MUC17: variants seen among roughly 807,000 people sequenced by gnomAD.
MUC17 encodes the protein mucin-17.
A neutral mutation model predicts 170.3 loss-of-function variants in MUC17; 190 were observed. The observed-to-expected ratio is 1.12, with a 90% CI of 0.99 to 1.26. The LOEUF (loss-of-function observed/expected upper bound fraction) is 1.26, where lower values mean the gene tolerates loss of function less well. MUC17 is among the 50% of genes most tolerant of loss of function. The probability of loss-of-function intolerance (pLI) is 0.00; values close to 1 mark genes in which losing one functional copy is unlikely to be tolerated. For synonymous variants in MUC17, 2,325 were observed against 2,002.5 expected (o/e 1.16, Z -4.30); for missense variants, 6,415 against 5,530.0 (o/e 1.16, Z -5.08).
At position 101,031,836 on chromosome 7, in the gene MUC17, A is replaced by G. The variant is rs1794286083; in HGVS notation, c.420A>G (p.Thr140=). The G allele has an allele frequency of 6.2e-7, 1 of 1,614,156 alleles. No individual in the cohort carries two copies. Among genetic ancestry groups the G allele is most frequent in the Non-Finnish European group, 8.5e-7 (1 of 1,179,984 alleles). Residue 140 remains threonine (T), a synonymous_variant, in exon 3 of 13, where the codon ACA becomes ACG. Coordinates refer to ENST00000306151, the MANE Select transcript of MUC17 (RefSeq NM_001040105.2). The part of the protein sequence containing the change: ...PSSTEDTSSP[T]TPEGTDVPMS... ...CTACTGAAGACACTTCATCTCCTAC[A>G]ACTCCTGAAGGCACCGACGTGCCCA...
At chr7:101,051,534 C>T (rs1056781403) in intron 7 of MUC17, 79 bp from the exon 8 acceptor site, 1 of 1,449,468 alleles carries the variant, frequency 6.9e-7, no homozygotes, top group Admixed American at 2.0e-5. Flanking sequence ...CCCCTTCTCA[C>T]ACACACACGT....
intron 3 of MUC17, among the ~76,000 whole-genome samples, chr7:101,044,135 C>T (rs1376122095): frequency 6.6e-6 from 1 of 152,144 alleles, no homozygotes; most frequent in Admixed American, 6.6e-5. Context: ...ATGATGGTTT[C>T]CAGCTTCATC....
rs1214325277 is a variant in MUC17, at chr7:101,033,356, G to A, written c.1940G>A (p.Ser647Asn). 6.2e-7 allele frequency: 1 copy of A among 1,613,834 alleles called. No homozygotes were observed. Among genetic ancestry groups the A allele is most frequent in the Non-Finnish European group, 8.5e-7 (1 of 1,179,828 alleles). Residue 647 changes from serine (S) to asparagine (N), a missense_variant, in exon 3 of 13, where the codon AGC becomes AAC. By Grantham distance (46) the Ser-to-Asn change is conservative. Coordinates refer to ENST00000306151, the MANE Select transcript of MUC17 (RefSeq NM_001040105.2). ...STTLVASSEA[S>N]TLSTTPVDSN... ...ACACTGGTGGCCAGTTCTGAGGCTA[G>A]CACCCTTTCAACAACTCCTGTTGAC... is the stretch of plus-strand genomic sequence containing the variant.
chr7:101,052,872 T>C (rs1010016438), intron 9 of MUC17, 114 bp from the exon 10 acceptor site: 1 of 1,291,764 alleles, frequency 7.7e-7, no homozygotes, highest in South Asian at 1.5e-5. Flanking sequence ...TTATGCCCCC[T>C]GGCAATCTCT....
At position 101,036,169 on chromosome 7, in the gene MUC17, G is replaced by T. The variant is rs577808535; in HGVS notation, c.4753G>T (p.Val1585Leu). The T allele has an allele frequency of 1.2e-6, 2 of 1,613,994 alleles. No individual in the cohort carries two copies. Among genetic ancestry groups the T allele is most frequent in the East Asian group, 2.2e-5 (1 of 44,868 alleles). Reference sequence around the variant, plus strand: ...AAGTTTGCCTGTCAGCACCATGCTGGTGGTCAGTTCTGAGGCTAACACCCT... The same window carrying T: ...AAGTTTGCCTGTCAGCACCATGCTGTTGGTCAGTTCTGAGGCTAACACCCT... ...LTSLPVSTML[V>L]VSSEANTLST... Residue 1585 changes from valine (V) to leucine (L), a missense_variant, in exon 3 of 13, where the codon GTG becomes TTG. Coordinates refer to ENST00000306151, the MANE Select transcript of MUC17 (RefSeq NM_001040105.2).
Position 101,042,529 on chromosome 7 carries a change from C to A in MUC17, c.11113C>A (p.Arg3705Ser). Residue 3705 changes from arginine (R) to serine (S), a missense_variant, in exon 3 of 13, where the codon CGT (arginine) becomes AGT (serine). Coordinates refer to ENST00000306151, the MANE Select transcript of MUC17 (RefSeq NM_001040105.2). ...AACAACTATGCCTGTCAGCACCACA[C>A]GTGTGACCAGCTCTGAGGGTAGCAC... ...PLTTMPVSTT[R>S]VTSSEGSTLS... is the part of the protein sequence containing the mutation. 6 of 1,613,766 alleles carry A rather than the reference C, an allele frequency of 3.7e-6. No individual in the cohort carries two copies. Among genetic ancestry groups the A allele is most frequent in the Non-Finnish European group, 5.1e-6 (6 of 1,179,934 alleles).
Position 101,038,805 on chromosome 7 carries a change from C to A in MUC17, c.7389C>A (p.Val2463=). The change falls in exon 3 of 13, where the codon GTC becomes GTA. Residue 2463 remains valine, a synonymous_variant. Coordinates refer to ENST00000306151, the MANE Select transcript of MUC17 (RefSeq NM_001040105.2). ...CCACTCCGTTAGCAAGTATGCCTGT[C>A]AGCACCACGCCGGTGGTCAGTTCTG... The part of the protein sequence containing the change: ...EGTTPLASMP[V]STTPVVSSEA... The A allele has an allele frequency of 6.2e-7, 1 of 1,612,828 alleles. No homozygotes were observed.
At chr7:101,027,990 C>T (rs1794210285) in intron 1 of MUC17, among the ~76,000 whole-genome samples, 1 of 151,836 alleles carries the variant, frequency 6.6e-6, no homozygotes, top group African/African-American at 2.4e-5. Flanking sequence ...CCAGGCTGGT[C>T]TCGAACTCCT....
At chr7:101,024,399 CAA>C (rs71126353) in intron 1 of MUC17, among the ~76,000 whole-genome samples, 9 of 138,498 alleles carry the variant, frequency 6.5e-5, no homozygotes, top group Non-Finnish European at 6.3e-5. Context: ...GACTCTATCT[CAA>C]AAAAAAAAAA....
intron 1 of MUC17, among the ~76,000 whole-genome samples, chr7:101,028,104 T>A (rs1313477254): frequency 6.7e-6 from 1 of 150,230 alleles, no homozygotes; most frequent in Non-Finnish European, 1.5e-5. Context: ...TTTTTTTTTT[T>A]TTTTTGAGAT....
rs1473924638 is a variant in MUC17 at position 101,035,713 on chromosome 7, G to T, written c.4297G>T (p.Ala1433Ser). ...TSTPGTTSAEATSSPTTAEGI... is the reference protein window; with the variant it reads ...TSTPGTTSAESTSSPTTAEGI... ...CACCCCTGGGACCACTTCTGCTGAAGCCACTTCATCTCCTACAACTGCTGA... is the reference window on the plus strand; with the variant it reads ...CACCCCTGGGACCACTTCTGCTGAATCCACTTCATCTCCTACAACTGCTGA... The change falls in exon 3 of 13, where the codon GCC (alanine) becomes TCC (serine). Residue 1433 changes from alanine to serine, a missense_variant. By Grantham distance (99) the Ala-to-Ser change is moderately conservative. Coordinates refer to ENST00000306151, the MANE Select transcript of MUC17 (RefSeq NM_001040105.2). The T allele has an allele frequency of 3.1e-6, 5 of 1,608,950 alleles. No individual in the cohort carries two copies. In the Admixed American group the frequency reaches 8.4e-5, roughly 27 times the overall value.
intron 9 of MUC17, among the ~76,000 whole-genome samples, 161 bp downstream of exon 9, chr7:101,052,123 G>A (rs1049820438): frequency 1.3e-5 from 2 of 152,194 alleles, no homozygotes; most frequent in African/African-American, 4.8e-5. Context: ...TTGGGGATAA[G>A]GGAAAAACAT....
Position 101,052,979 on chromosome 7 carries a change from A to G in MUC17, c.13104-7A>G. 6.2e-7 allele frequency: 1 copy of G among 1,610,680 alleles called. No individual in the cohort carries two copies. Among genetic ancestry groups the G allele is most frequent in the Non-Finnish European group, 8.5e-7 (1 of 1,178,102 alleles). On this transcript the variant is annotated splice_polypyrimidine_tract_variant and splice_region_variant and intron_variant, in intron 9 of 12. Coordinates refer to ENST00000306151, the MANE Select transcript of MUC17 (RefSeq NM_001040105.2). Reference sequence around the variant, plus strand: ...CTCCCCAACCTGCCGCTTCTCTCCCATCTCAGCTGCGTGACCACGGAAACT... The same window carrying G: ...CTCCCCAACCTGCCGCTTCTCTCCCGTCTCAGCTGCGTGACCACGGAAACT...
rs773051781 is a variant in MUC17 at position 101,040,353 on chromosome 7, C to T, written c.8937C>T (p.Ile2979=). 1 of 1,612,882 alleles carries T rather than the reference C, an allele frequency of 6.2e-7. No individual in the cohort carries two copies. Among genetic ancestry groups the T allele is most frequent in the Non-Finnish European group, 8.5e-7 (1 of 1,179,558 alleles). The change falls in exon 3 of 13, where the codon ATC becomes ATT. Residue 2979 remains isoleucine (I), a synonymous_variant. Coordinates refer to ENST00000306151, the MANE Select transcript of MUC17 (RefSeq NM_001040105.2). ...PTTAEGTSMP[I]STPGERRTPL... ...CTGCTGAAGGTACCAGCATGCCAAT[C>T]TCAACTCCTGGCGAAAGAAGAACTC...
chr7:101,021,536 C>G (rs1794081748), intron 1 of MUC17, among the ~76,000 whole-genome samples: 1 of 151,992 alleles, frequency 6.6e-6, no homozygotes, highest in Non-Finnish European at 1.5e-5. Flanking sequence ...CTGGGTTCTT[C>G]TAGCCCCTTC....
At position 101,038,348 on chromosome 7, in the gene MUC17, C is replaced by T; in HGVS notation, c.6932C>T (p.Thr2311Ile). The change falls in exon 3 of 13, where the codon ACT becomes ATT. Residue 2311 changes from threonine to isoleucine, a missense_variant. Coordinates refer to ENST00000306151, the MANE Select transcript of MUC17 (RefSeq NM_001040105.2). ...TTPVDSNTPF[T>I]TSTEASSPPP... ...CCTGTTGACTCCAACACTCCTTTCA[C>T]TACTTCTACTGAAGCCAGTTCACCT... 2 of 1,613,796 alleles carry T rather than the reference C, an allele frequency of 1.2e-6. No individual in the cohort carries two copies. The highest frequency in any genetic ancestry group is 1.1e-5 in the South Asian group (1 of 91,056).
rs1477109111 is a variant in MUC17, at chr7:101,040,378, C to T, written c.8962C>T (p.Pro2988Ser). 1.9e-6 allele frequency: 3 copies of T among 1,612,380 alleles called. No individual in the cohort carries two copies. The highest frequency in any genetic ancestry group is 1.3e-5 in the African/African-American group (1 of 74,622). ...PISTPGERRTPLTSMSVSTMP... is the reference protein window; with the variant it reads ...PISTPGERRTSLTSMSVSTMP... ...CTCAACTCCTGGCGAAAGAAGAACT[C>T]CATTAACAAGTATGTCTGTCAGCAC... is the stretch of plus-strand genomic sequence containing the variant. Residue 2988 changes from proline to serine, a missense_variant, in exon 3 of 13, where the codon CCA (proline) becomes TCA (serine). Pro to Ser is a moderately conservative substitution (Grantham distance 74, BLOSUM62 -1). Transcript: ENST00000306151.
At chr7:101,026,754 G>A (rs1794187499) in intron 1 of MUC17, among the ~76,000 whole-genome samples, 1 of 152,028 alleles carries the variant, frequency 6.6e-6, no homozygotes, top group African/African-American at 2.4e-5. Context: ...CCGATTAATT[G>A]TTTTTTAGTA....
At chr7:101,047,546 G>A (rs1256461256) in intron 3 of MUC17, among the ~76,000 whole-genome samples, 5 of 151,918 alleles carry the variant, frequency 3.3e-5, no homozygotes, top group South Asian at 2.1e-4. Flanking sequence ...AGGCAGTGTC[G>A]GAGCCGGGCG....
Sources: allele counts gnomAD v4.1 joint callset (sites outside exome capture counted in the v4.1 genomes callset), GRCh38; gene constraint gnomAD v4.1.1; transcripts MANE v1.5; gene names NCBI Gene and HGNC (gene_info 2026-07-23, HGNC 2026-07-21).